The following FGF13 variants were observed in gnomAD, a reference collection of about 807,000 sequenced individuals.
The protein encoded by FGF13 is fibroblast growth factor homologous factor 2.
A neutral mutation model predicts 19.5 loss-of-function variants in FGF13; 2 were observed. The observed-to-expected ratio is 0.10, with a 90% CI of 0.04 to 0.32. The LOEUF (loss-of-function observed/expected upper bound fraction) is 0.32, where lower values mean the gene tolerates loss of function less well. Ranked by LOEUF, FGF13 falls within the 10% of genes least tolerant of loss-of-function variation. The pLI is 1.00. For missense variants in FGF13, 113 were observed against 192.7 expected, an observed-to-expected ratio of 0.59 and a Z score of 2.45; for synonymous variants, 72 against 76.9, an observed-to-expected ratio of 0.94 and a Z score of 0.33.
At chrX:139,177,238 C>CTTTTTTT (rs35867493) in intron 1 of FGF13, among the ~76,000 whole-genome samples, 41 of 49,910 alleles carry the variant, frequency 8.2e-4, no homozygotes, top group African/African-American at 2.0e-3. Context: ...GCAACCCCTG[C>CTTTTTTT]TTTTTTTTTT....
chrX:138,808,475 C>T (rs1315213578), intron 3 of FGF13, among the ~76,000 whole-genome samples: 3 of 111,288 alleles, frequency 2.7e-5, no homozygotes, highest in Non-Finnish European at 3.8e-5. Flanking sequence ...ACTAAATGCC[C>T]GCATAAGAAA....
At chrX:138,666,393 G>T (rs1330691462) in intron 3 of FGF13, among the ~76,000 whole-genome samples, 1 of 111,615 alleles carries the variant, frequency 9.0e-6, no homozygotes, top group Non-Finnish European at 1.9e-5. Flanking sequence ...TTCTCCTAAG[G>T]TATGATCCAA....
In FGF13 at chrX:138,619,401, T is replaced by G. The variant is rs1013878485; in HGVS notation, c.*13449A>C. 4 of 111,002 alleles carry G rather than the reference T, an allele frequency of 3.6e-5. No homozygotes were observed. Among genetic ancestry groups the G allele is most frequent in the African/African-American group, 1.3e-4 (4 of 30,470 alleles). The allele number at this position is 111,002 out of a possible 1,213,427, so 9.1% of individuals were successfully genotyped here. A position where few individuals can be genotyped will look rare whatever the true frequency, so the allele number is the denominator to read the frequency against. On this transcript the variant is annotated 3_prime_UTR_variant, in exon 5 of 5. Transcript: ENST00000315930. ...AGAAACACTTAATATAGATGACGGG[T>G]TGATGGGTGCAGCAAACCACCATGG...
chrX:139,026,002 A>G (rs771559042), intron 1 of FGF13, among the ~76,000 whole-genome samples: 1 of 110,998 alleles, frequency 9.0e-6, no homozygotes, highest in East Asian at 2.9e-4. Flanking sequence ...TCTCTGACTC[A>G]TGGACTCTCT....
chrX:138,657,584 C>T (rs17538948), intron 3 of FGF13, among the ~76,000 whole-genome samples: 3,841 of 111,819 alleles, frequency 0.034, 127 homozygotes, highest in African/African-American at 0.12. Context: ...CATGTGATGA[C>T]GGAACTACAT....
chrX:138,994,837 G>A (rs1256949027), intron 1 of FGF13, among the ~76,000 whole-genome samples: 2 of 110,806 alleles, frequency 1.8e-5, no homozygotes, highest in Non-Finnish European at 3.8e-5. Flanking sequence ...ACACTTTTGA[G>A]AGCATTTATC....
chrX:138,821,992 T>A (rs2091002675), intron 3 of FGF13, among the ~76,000 whole-genome samples: 1 of 111,814 alleles, frequency 8.9e-6, no homozygotes, highest in Non-Finnish European at 1.9e-5. Flanking sequence ...AGGTACAAAA[T>A]ATCTGATGAT....
chrX:139,156,302 G>C (rs913275693), intron 1 of FGF13, among the ~76,000 whole-genome samples: 1 of 111,419 alleles, frequency 9.0e-6, no homozygotes, highest in Non-Finnish European at 1.9e-5. Context: ...ACATTCTATG[G>C]GGACAGGCTT....
At chrX:138,994,363 A>T (rs1229007228) in intron 1 of FGF13, among the ~76,000 whole-genome samples, 9 of 111,180 alleles carry the variant, frequency 8.1e-5, no homozygotes, top group Non-Finnish European at 1.7e-4. Context: ...AGTGTCTCTT[A>T]AAAGCCTTAC....
chrX:139,112,941 T>G (rs2083613586), intron 1 of FGF13, among the ~76,000 whole-genome samples: 1 of 108,543 alleles, frequency 9.2e-6, no homozygotes, highest in East Asian at 2.9e-4. Flanking sequence ...AGCACAATAT[T>G]TATTTAGTGA....
intron 3 of FGF13, among the ~76,000 whole-genome samples, chrX:138,641,772 G>C (rs1441056844): frequency 9.0e-6 from 1 of 111,406 alleles, no homozygotes; most frequent in African/African-American, 3.3e-5. Context: ...GGAAGGGAGA[G>C]ACTGGGGAAG....
chrX:138,978,267 T>TTTTG (rs1190764467), intron 1 of FGF13, among the ~76,000 whole-genome samples: 1 of 4,246 alleles, frequency 2.4e-4, no homozygotes, highest in Non-Finnish European at 6.7e-4. Context: ...GCTGCCCTGG[T>TTTTG]TTTTTTTTTT....
At chrX:139,015,049 C>T (rs1475131107) in intron 1 of FGF13, among the ~76,000 whole-genome samples, 1 of 111,025 alleles carries the variant, frequency 9.0e-6, no homozygotes, top group Non-Finnish European at 1.9e-5. Context: ...AAAAACTGGA[C>T]ATAGAAGGAA....
At chrX:138,837,630 C>T (rs905223050) in intron 3 of FGF13, among the ~76,000 whole-genome samples, 3 of 111,831 alleles carry the variant, frequency 2.7e-5, no homozygotes, top group Admixed American at 9.4e-5. Context: ...GAACACCAGT[C>T]GGGGTGGCTG....
chrX:139,083,828 G>A (rs747222695), intron 1 of FGF13, among the ~76,000 whole-genome samples: 3 of 110,783 alleles, frequency 2.7e-5, no homozygotes, highest in Non-Finnish European at 3.8e-5. Flanking sequence ...CCGAGATCCC[G>A]CCACTGCATT....
intron 1 of FGF13, among the ~76,000 whole-genome samples, chrX:139,152,778 C>T (rs5976288): frequency 0.026 from 2,900 of 110,568 alleles, 104 homozygotes; most frequent in African/African-American, 0.091. Context: ...CCATGTGTTT[C>T]TCTCTCTCTC....
At chrX:138,771,009 A>G (rs192376457) in intron 3 of FGF13, among the ~76,000 whole-genome samples, 3 of 111,670 alleles carry the variant, frequency 2.7e-5, no homozygotes, top group African/African-American at 9.8e-5. Context: ...GCAACCCTAC[A>G]GTGTAAAGAA....
At chrX:138,821,385 T>C (rs995624385) in intron 3 of FGF13, among the ~76,000 whole-genome samples, 1 of 111,901 alleles carries the variant, frequency 8.9e-6, no homozygotes, top group Non-Finnish European at 1.9e-5. Context: ...GGTTCAGTTA[T>C]CAGAAAACTT....
At chrX:139,023,835 C>T (rs1366128947) in intron 1 of FGF13, among the ~76,000 whole-genome samples, 1 of 111,244 alleles carries the variant, frequency 9.0e-6, no homozygotes, top group African/African-American at 3.3e-5. Flanking sequence ...GAACAATATG[C>T]ATCCAAATGT....
Sources: gnomAD v4.1 joint callset for allele counts (sites outside exome capture counted in the v4.1 genomes callset) on GRCh38, gnomAD v4.1.1 for gene constraint, MANE v1.5 for transcripts, NCBI Gene and HGNC (gene_info 2026-07-23, HGNC 2026-07-21) for gene names.